Variants in ZFYVE28 observed in about 807,000 individuals in gnomAD.
ZFYVE28 encodes zinc finger FYVE-type containing 28, also known as lateral signaling target protein 2 homolog.
In ZFYVE28, 40 loss-of-function variants were observed where a neutral mutation model predicts 82.1. That is an observed-to-expected ratio of 0.49 (90% CI 0.38 to 0.63). ZFYVE28 has a LOEUF of 0.63. Ranked by LOEUF, ZFYVE28 falls within the 30% of genes least tolerant of loss-of-function variation. The pLI is 0.00. For missense variants in ZFYVE28, 1,321 were observed against 1,242.1 expected (o/e 1.06, Z -0.96); for synonymous variants, 612 against 546.1 (o/e 1.12, Z -1.68).
chr4:2,321,616 C>T (rs1719088183), intron 6 of ZFYVE28, among the ~76,000 whole-genome samples: 1 of 151,970 alleles, frequency 6.6e-6, no homozygotes, highest in East Asian at 1.9e-4. Flanking sequence ...GGGACAATTA[C>T]CCAAATAGAG....
At chr4:2,393,440 C>T in intron 1 of ZFYVE28, among the ~76,000 whole-genome samples, 1 of 152,188 alleles carries the variant, frequency 6.6e-6, no homozygotes, top group Non-Finnish European at 1.5e-5. Context: ...GTTATTTTTG[C>T]TCATGCCATG....
intron 1 of ZFYVE28, 49 bp from the exon 2 acceptor site, chr4:2,354,122 G>C (rs771827977): frequency 4.3e-5 from 62 of 1,431,978 alleles, no homozygotes; most frequent in Non-Finnish European, 5.7e-5. Context: ...AACTGGAGGG[G>C]ATGCCTCGGT....
intron 3 of ZFYVE28, among the ~76,000 whole-genome samples, chr4:2,340,626 C>T (rs988457534): frequency 3.3e-5 from 5 of 152,222 alleles, no homozygotes; most frequent in African/African-American, 1.2e-4. Context: ...TGCATGCATG[C>T]CCCTGCCAGG....
intron 1 of ZFYVE28, among the ~76,000 whole-genome samples, chr4:2,371,974 G>GA (rs1727607092): frequency 7.2e-5 from 11 of 152,224 alleles, no homozygotes. Context: ...GAGCAGCCTA[G>GA]AGGCACAGAC....
chr4:2,316,051 C>G (rs1032684040), intron 7 of ZFYVE28: 1 of 152,310 alleles, frequency 6.6e-6, no homozygotes, highest in Middle Eastern at 3.4e-3. Flanking sequence ...AAGCTGACTA[C>G]TTCTGTGTTC....
intron 6 of ZFYVE28, among the ~76,000 whole-genome samples, chr4:2,334,826 TCTTCCCCCTCCCCTCTTCCCCCTCCCCA>T (rs1721380830): frequency 3.6e-4 from 3 of 8,354 alleles, no homozygotes; most frequent in African/African-American, 2.1e-3. Flanking sequence ...CCCCCTCCCC[TCTTCCCCCTCCCCTCTTCCCCCTCCCCA>T]CTTCCGCCTC....
rs2071679 is a variant in ZFYVE28, at chr4:2,341,454, C to T, written c.318+24G>A. The T allele has an allele frequency of 0.2, 320,136 of 1,610,178 alleles. 35,865 individuals carry two copies. The highest frequency in any genetic ancestry group is 0.49 in the East Asian group (22,022 of 44,740). On this transcript the variant is annotated intron_variant, in intron 3 of 12. Coordinates refer to ENST00000290974, the MANE Select transcript of ZFYVE28 (RefSeq NM_020972.3). This position sits in a 1 kb window ranked among gnomAD's most constrained non-coding sequence, Gnocchi z 4.5. ...AGACGCCACCCCACATCAGGACCTC[C>T]GAACCCGGGTGGCCACCCGCTACCT...
intron 8 of ZFYVE28, among the ~76,000 whole-genome samples, chr4:2,299,041 T>C (rs1715089647): frequency 6.6e-6 from 1 of 152,212 alleles, no homozygotes. Flanking sequence ...TCTATAAACT[T>C]AATTACACAA....
chr4:2,347,737 C>A (rs1013137405), intron 2 of ZFYVE28, among the ~76,000 whole-genome samples: 2 of 151,994 alleles, frequency 1.3e-5, no homozygotes, highest in Non-Finnish European at 2.9e-5. Flanking sequence ...AAAAATACAA[C>A]ATATCAAAAT....
intron 8 of ZFYVE28, among the ~76,000 whole-genome samples, chr4:2,274,575 T>C (rs1736227527): frequency 6.6e-6 from 1 of 152,068 alleles, no homozygotes; most frequent in Non-Finnish European, 1.5e-5. Context: ...ACACCATTTC[T>C]AATGGCCTGA....
intron 10 of ZFYVE28, 55 bp downstream of exon 10, chr4:2,273,118 G>A: frequency 7.1e-7 from 1 of 1,413,210 alleles, no homozygotes; most frequent in Non-Finnish European, 9.9e-7. Flanking sequence ...CTCCCTGTGG[G>A]CAGGGACACG....
chr4:2,334,369 G>A (rs892756967), intron 6 of ZFYVE28, among the ~76,000 whole-genome samples: 6 of 152,020 alleles, frequency 3.9e-5, no homozygotes, highest in African/African-American at 1.2e-4. Flanking sequence ...ACTCCAACAA[G>A]GGGTGTTCGG....
At chr4:2,368,211 C>CAAAAAAAAAAAAAAAAAAA (rs34092714) in intron 1 of ZFYVE28, among the ~76,000 whole-genome samples, 4 of 86,176 alleles carry the variant, frequency 4.6e-5, no homozygotes, top group African/African-American at 8.8e-5. Context: ...CACATCTCTA[C>CAAAAAAAAAAAAAAAAAAA]AAAAAAAAAA....
chr4:2,322,525 G>GT (rs1458928870), intron 6 of ZFYVE28, among the ~76,000 whole-genome samples: 3 of 152,226 alleles, frequency 2.0e-5, no homozygotes, highest in Non-Finnish European at 4.4e-5. Flanking sequence ...AGGTGAGCAG[G>GT]AGAGAGGACG....
chr4:2,393,764 A>G (rs1013380368), intron 1 of ZFYVE28, among the ~76,000 whole-genome samples: 1 of 151,990 alleles, frequency 6.6e-6, no homozygotes, highest in Admixed American at 6.6e-5. Flanking sequence ...ACTCGGCCAC[A>G]CCTGCGGATT....
chr4:2,350,327 G>A (rs1290233220), intron 2 of ZFYVE28, among the ~76,000 whole-genome samples: 5 of 152,152 alleles, frequency 3.3e-5, no homozygotes, highest in Non-Finnish European at 4.4e-5. Flanking sequence ...AGCCGGGCGA[G>A]GTGGCGGGCG....
intron 1 of ZFYVE28, among the ~76,000 whole-genome samples, chr4:2,391,335 C>T (rs1266716741): frequency 6.6e-6 from 1 of 152,146 alleles, no homozygotes; most frequent in Non-Finnish European, 1.5e-5. Context: ...GCGGAAGAGC[C>T]TCGTTCCCTC....
Position 2,304,463 on chromosome 4 carries a change from G to C in ZFYVE28, c.1877C>G (p.Pro626Arg), listed in dbSNP as rs771218830. ...PSEDASNGRE[P>R]KAPTSDKCLP... ...GCACTTGTCGGAAGTGGGGGCTTTG[G>C]GCTCCCGCCCGTTGGAGGCATCTTC... Residue 626 changes from proline to arginine, a missense_variant, in exon 8 of 13, where the codon CCC becomes CGC. Around this residue, in one of 2 missense-constraint regions of ZFYVE28, gnomAD observed 978 missense variants for 833.7 expected, o/e 1.17. Coordinates refer to ENST00000290974, the MANE Select transcript of ZFYVE28 (RefSeq NM_020972.3). 13 of 1,613,520 alleles carry C rather than the reference G, an allele frequency of 8.1e-6. No individual in the cohort carries two copies. Among genetic ancestry groups the C allele is most frequent in the Non-Finnish European group, 1.1e-5 (13 of 1,179,918 alleles).
At chr4:2,304,188 A>G (rs180907839) in intron 8 of ZFYVE28, 101 bp downstream of exon 8, 391 of 1,438,312 alleles carry the variant, frequency 2.7e-4, no homozygotes, top group Non-Finnish European at 3.2e-4. Flanking sequence ...GGTGGCCAAG[A>G]TGGCTCAGGT....
Sources: allele counts gnomAD v4.1 joint callset (sites outside exome capture counted in the v4.1 genomes callset), GRCh38; gene constraint gnomAD v4.1.1; regional missense constraint gnomAD v4.1.1; non-coding constraint Gnocchi (gnomAD v3.1); transcripts MANE v1.5; gene names NCBI Gene and HGNC (gene_info 2026-07-23, HGNC 2026-07-21).